The following GLRA2 variants were observed in gnomAD, a reference collection of about 807,000 sequenced individuals.
The protein encoded by GLRA2 is glycine receptor subunit alpha-2.
Under a neutral mutation model 31.6 loss-of-function variants are expected in GLRA2, and 11 were observed. The ratio of observed to expected loss-of-function variants is 0.35; its 90% CI spans 0.22 to 0.58. The LOEUF (loss-of-function observed/expected upper bound fraction) is 0.58. Among genes scored for constraint, GLRA2 ranks in the 20% least tolerant of loss-of-function variants. The probability of loss-of-function intolerance (pLI) is 0.84; values close to 1 mark genes in which losing one functional copy is unlikely to be tolerated. For synonymous variants in GLRA2, 132 were observed against 134.0 expected (o/e 0.99, Z 0.10); for missense variants, 212 against 351.8 (o/e 0.60, Z 3.18).
chrX:14,449,032 T>A, the GLRA2 span, among the ~76,000 whole-genome samples: 1 of 112,184 alleles, frequency 8.9e-6, no homozygotes, highest in South Asian at 3.7e-4. Flanking sequence ...AGCTATCTGC[T>A]CATTCACCCA....
chrX:14,574,278 T>C (rs1322559148), intron 2 of GLRA2, 55 bp from the exon 3 acceptor site: 2 of 723,290 alleles, frequency 2.8e-6, no homozygotes, highest in Non-Finnish European at 4.4e-6. Context: ...CAGATGTTAA[T>C]GGAGCTGTAT....
At position 14,551,443 on chromosome X, in the gene GLRA2, C is replaced by T. The variant is rs3027331; in HGVS notation, c.202+19071C>T. On this transcript the variant is annotated intron_variant, in intron 2 of 8. Coordinates refer to ENST00000218075, the MANE Select transcript of GLRA2 (RefSeq NM_002063.4). The stretch of plus-strand genomic sequence containing the variant: ...TCTCCAATCACCCAACAGCTTTCTG[C>T]TTGGGATGTATTGGAACTAGATTGT... Among the ~76,000 whole-genome samples the T allele has an allele frequency of 7.3e-3, 807 of 110,907 alleles. 4 individuals carry two copies. The highest frequency in any genetic ancestry group is 0.025 in the African/African-American group (755 of 30,489).
intron 7 of GLRA2, among the ~76,000 whole-genome samples, chrX:14,634,854 TG>T (rs2090691881): frequency 8.9e-6 from 1 of 112,365 alleles, no homozygotes; most frequent in South Asian, 3.7e-4. Context: ...TCCCTCATAA[TG>T]TAGATTTGAC....
At chrX:14,477,629 A>G in the GLRA2 span, among the ~76,000 whole-genome samples, 1 of 111,579 alleles carries the variant, frequency 9.0e-6, no homozygotes, top group Non-Finnish European at 1.9e-5. Context: ...TTTTGGGCTT[A>G]TGGGACTTGA....
At chrX:14,461,248 T>C in the GLRA2 span, among the ~76,000 whole-genome samples, 2 of 111,961 alleles carry the variant, frequency 1.8e-5, no homozygotes, top group African/African-American at 6.5e-5. Flanking sequence ...TTACATTTGC[T>C]GAGGAGTGTT....
At chrX:14,491,757 T>C in the GLRA2 span, among the ~76,000 whole-genome samples, 3 of 111,305 alleles carry the variant, frequency 2.7e-5, no homozygotes, top group South Asian at 1.1e-3. Flanking sequence ...CCTGACGTCC[T>C]CCTAGAGGAT....
chrX:14,506,333 CTT>C, the GLRA2 span, among the ~76,000 whole-genome samples: 2 of 111,065 alleles, frequency 1.8e-5, no homozygotes, highest in Admixed American at 9.6e-5. Context: ...TCCTCAGAGA[CTT>C]TTTTTTCTTG....
At chrX:14,621,584 A>G (rs1030481217) in intron 7 of GLRA2, among the ~76,000 whole-genome samples, 7 of 110,417 alleles carry the variant, frequency 6.3e-5, no homozygotes, top group South Asian at 7.8e-4. Context: ...TCATTGTTCA[A>G]TTCCCACCTA....
intron 5 of GLRA2, among the ~76,000 whole-genome samples, chrX:14,605,692 T>C (rs2147093157): frequency 8.9e-6 from 1 of 112,118 alleles, no homozygotes; most frequent in African/African-American, 3.2e-5. Flanking sequence ...AGAAACATCA[T>C]GTTTACCACT....
Position 14,730,386 on chromosome X carries a change from G to A in GLRA2, c.1260G>A (p.Thr420=), listed in dbSNP as rs896142470. 9 of 1,203,769 alleles carry A rather than the reference G, an allele frequency of 7.5e-6. No individual in the cohort carries two copies. Among genetic ancestry groups the A allele is most frequent in the South Asian group, 1.8e-5 (1 of 56,643 alleles). Reference sequence around the variant, plus strand: ...TGGACCGGGCAAAAAGGATTGACACGATATCTCGAGCTGCCTTCCCATTGG... The same window carrying A: ...TGGACCGGGCAAAAAGGATTGACACAATATCTCGAGCTGCCTTCCCATTGG... ...KFVDRAKRID[T]ISRAAFPLAF... is the part of the protein sequence containing the mutation. The change falls in exon 9 of 9, where the codon ACG becomes ACA. Residue 420 remains threonine (T), a synonymous_variant. Coordinates refer to ENST00000218075, the MANE Select transcript of GLRA2 (RefSeq NM_002063.4).
intron 4 of GLRA2, among the ~76,000 whole-genome samples, chrX:14,593,588 GAGGGTC>G (rs1188201642): frequency 8.9e-6 from 1 of 112,618 alleles, no homozygotes; most frequent in Non-Finnish European, 1.9e-5. Context: ...TGTCAGTTCT[GAGGGTC>G]AGGAATACTT....
At chrX:14,507,881 A>AG in the GLRA2 span, among the ~76,000 whole-genome samples, 1 of 108,087 alleles carries the variant, frequency 9.3e-6, no homozygotes, top group South Asian at 4.2e-4. Flanking sequence ...TTTAGAAGAA[A>AG]GGGGGTTTCA....
chrX:14,690,217 C>G (rs2091329716), intron 7 of GLRA2, among the ~76,000 whole-genome samples: 1 of 111,524 alleles, frequency 9.0e-6, no homozygotes, highest in Non-Finnish European at 1.9e-5. Context: ...TAGAAGTGAG[C>G]AGTTTGAATA....
At chrX:14,629,664 T>C (rs2090623209) in intron 7 of GLRA2, among the ~76,000 whole-genome samples, 1 of 112,204 alleles carries the variant, frequency 8.9e-6, no homozygotes, top group South Asian at 3.7e-4. Flanking sequence ...ATTTGTTCTT[T>C]GTAAACTTTT....
the GLRA2 span, among the ~76,000 whole-genome samples, chrX:14,459,145 C>G: frequency 8.9e-6 from 1 of 111,832 alleles, no homozygotes; most frequent in Non-Finnish European, 1.9e-5. Flanking sequence ...TTCCCCATTT[C>G]TTGTTTTTGT....
the GLRA2 span, among the ~76,000 whole-genome samples, chrX:14,505,341 TG>T: frequency 8.9e-6 from 1 of 112,040 alleles, no homozygotes; most frequent in East Asian, 2.8e-4. Context: ...CCAACCCTTC[TG>T]GTTTTTGTGG....
At chrX:14,462,911 G>A in the GLRA2 span, among the ~76,000 whole-genome samples, 1 of 111,105 alleles carries the variant, frequency 9.0e-6, no homozygotes, top group Non-Finnish European at 1.9e-5. Context: ...GTGTTCCTTT[G>A]GAGGAGAAGA....
rs766008226 is a variant in GLRA2 at position 14,657,236 on chromosome X, TG to T, written c.931-33470del. Reference sequence around the variant, plus strand: ...ACCTGCAGGCATAAATGCCCAATATTGGGGCAGCACAAAAGTAACAGAAACC... The same window carrying T: ...ACCTGCAGGCATAAATGCCCAATATTGGGCAGCACAAAAGTAACAGAAACC... On this transcript the variant is annotated intron_variant, in intron 7 of 8. Coordinates refer to ENST00000218075, the MANE Select transcript of GLRA2 (RefSeq NM_002063.4). 3.2e-3 allele frequency among the ~76,000 whole-genome samples: 358 copies of T among 112,249 alleles called. 1 individual carries two copies. The highest frequency in any genetic ancestry group is 0.011 in the African/African-American group (344 of 30,951).
chrX:14,687,947 C>T (rs2091298122), intron 7 of GLRA2, among the ~76,000 whole-genome samples: 1 of 112,006 alleles, frequency 8.9e-6, no homozygotes, highest in Admixed American at 9.4e-5. Flanking sequence ...TACCTTTGGT[C>T]TTTGATGATG....
Sources: gnomAD v4.1 joint callset for allele counts (sites outside exome capture counted in the v4.1 genomes callset) on GRCh38, gnomAD v4.1.1 for gene constraint, MANE v1.5 for transcripts, NCBI Gene and HGNC (gene_info 2026-07-23, HGNC 2026-07-21) for gene names.